The following SMCO4 variants were observed in gnomAD, a reference collection of about 807,000 sequenced individuals.
The protein encoded by SMCO4 is single-pass membrane and coiled-coil domain-containing protein 4.
Under a neutral mutation model 3.6 loss-of-function variants are expected in SMCO4, and 4 were observed. The ratio of observed to expected loss-of-function variants is 1.11; its 90% CI spans 0.54 to 2.53. The LOEUF (loss-of-function observed/expected upper bound fraction) is 2.53. Ranked by LOEUF, SMCO4 falls within the 30% of genes most tolerant of loss-of-function variation. The pLI is 0.02. For missense variants in SMCO4, 70 were observed against 80.8 expected, an observed-to-expected ratio of 0.87 and a Z score of 0.51; for synonymous variants, 36 against 35.3, an observed-to-expected ratio of 1.02 and a Z score of -0.07.
Position 93,513,573 on chromosome 11 carries a change from A to C in SMCO4, c.-153-14225T>G, listed in dbSNP as rs561311213. Reference sequence around the variant, plus strand: ...CAGATAGAGGTGATGAGGGAGACGGAGGTATCAAAGATGCTCTCAAGCCTC... The same window carrying C: ...CAGATAGAGGTGATGAGGGAGACGGCGGTATCAAAGATGCTCTCAAGCCTC... On this transcript the variant is annotated intron_variant, in intron 1 of 2. Coordinates refer to ENST00000298966, the MANE Select transcript of SMCO4 (RefSeq NM_020179.3). Among the ~76,000 whole-genome samples, 21 of 152,294 alleles carry C rather than the reference A, an allele frequency of 1.4e-4. No individual in the cohort carries two copies. The South Asian group carries it at 4.3e-3, about 32-fold the overall frequency.
chr11:93,487,584 C>CA (rs1198169790), intron 2 of SMCO4, among the ~76,000 whole-genome samples: 3 of 152,200 alleles, frequency 2.0e-5, no homozygotes, highest in Non-Finnish European at 4.4e-5. Context: ...AATCCAGAAA[C>CA]ACAAAAGAAT....
intron 2 of SMCO4, among the ~76,000 whole-genome samples, chr11:93,481,675 A>G (rs1194604329): frequency 2.6e-5 from 4 of 152,256 alleles, no homozygotes; most frequent in Non-Finnish European, 5.9e-5. Flanking sequence ...TAACAGAGCA[A>G]TGGACAGCAT....
intron 1 of SMCO4, among the ~76,000 whole-genome samples, chr11:93,529,242 A>T (rs1371653006): frequency 6.6e-6 from 1 of 152,200 alleles, no homozygotes; most frequent in Non-Finnish European, 1.5e-5. Context: ...CTGGAATTAC[A>T]CACTCACAAA....
intron 1 of SMCO4, among the ~76,000 whole-genome samples, chr11:93,516,745 G>A (rs945827605): frequency 2.6e-5 from 4 of 152,014 alleles, no homozygotes; most frequent in South Asian, 2.1e-4. Flanking sequence ...AGCCGAGATC[G>A]TGCCATTGCA....
intron 1 of SMCO4, 45 bp downstream of exon 1, chr11:93,543,231 C>T (rs534931101): frequency 1.1e-3 from 164 of 145,072 alleles, no homozygotes; most frequent in African/African-American, 3.8e-3. Flanking sequence ...CGCCCGCCGG[C>T]TCGCCCGCCC....
At chr11:93,498,413 G>C (rs1008864574) in intron 2 of SMCO4, among the ~76,000 whole-genome samples, 5 of 152,162 alleles carry the variant, frequency 3.3e-5, no homozygotes, top group African/African-American at 1.2e-4. Flanking sequence ...TGATCCACCT[G>C]TGCAGCAGAT....
rs878899435 is a variant in SMCO4 at position 93,478,713 on chromosome 11, G to GCGCACA, written c.*296_*297insTGTGCG. ...ATCGATTTTTAGGAGAGAAAAAGAA[G>GCGCACA]CACACACACACACACACACACACAC... On this transcript the variant is annotated 3_prime_UTR_variant, in exon 3 of 3. Coordinates refer to ENST00000298966, the MANE Select transcript of SMCO4 (RefSeq NM_020179.3). 17 of 225,998 alleles carry GCGCACA rather than the reference G, an allele frequency of 7.5e-5. No homozygotes were observed. The highest frequency in any genetic ancestry group is 1.6e-4 in the South Asian group (1 of 6,118). 14.0% of individuals were successfully genotyped at this position (225,998 alleles called of 1,614,324 possible). A position where few individuals can be genotyped will look rare whatever the true frequency, so the allele number is the denominator to read the frequency against.
At chr11:93,541,688 A>G (rs1161889100) in intron 1 of SMCO4, among the ~76,000 whole-genome samples, 1 of 152,236 alleles carries the variant, frequency 6.6e-6, no homozygotes, top group Non-Finnish European at 1.5e-5. Context: ...CACTAACTGC[A>G]AGCATAAGAA....
the SMCO4 span, among the ~76,000 whole-genome samples, chr11:93,548,550 T>G: frequency 0.57 from 86,861 of 151,950 alleles, 25,035 homozygotes; most frequent in Admixed American, 0.65. Flanking sequence ...CTCCAGTGGT[T>G]AAAACATGGG....
At chr11:93,545,354 G>A (rs1367260227), upstream of SMCO4, among the ~76,000 whole-genome samples, 8 of 151,914 alleles carry the variant, frequency 5.3e-5, no homozygotes, top group Admixed American at 2.6e-4. Context: ...TTGGGAGGCC[G>A]AGGTGGGTGG....
At chr11:93,488,764 G>A (rs764726820) in intron 2 of SMCO4, among the ~76,000 whole-genome samples, 6 of 152,176 alleles carry the variant, frequency 3.9e-5, no homozygotes, top group Non-Finnish European at 7.4e-5. Flanking sequence ...AGGACCCTGG[G>A]AGCTGTGGGC....
At chr11:93,506,995 C>T (rs1948910879) in intron 1 of SMCO4, among the ~76,000 whole-genome samples, 1 of 152,144 alleles carries the variant, frequency 6.6e-6, no homozygotes, top group Non-Finnish European at 1.5e-5. Context: ...ACTATGATTA[C>T]TCAGATTTGG....
rs116316940 is a variant in SMCO4, at chr11:93,485,295, A to G, written c.-80-6026T>C. Among the ~76,000 whole-genome samples the G allele has an allele frequency of 8.6e-3, 1,314 of 152,276 alleles. 22 individuals carry two copies. The highest frequency in any genetic ancestry group is 0.031 in the African/African-American group (1,268 of 41,550). On this transcript the variant is annotated intron_variant, in intron 2 of 2. Coordinates refer to ENST00000298966, the MANE Select transcript of SMCO4 (RefSeq NM_020179.3). ...AGAACTCCCTAAGCCTTCACAGCCC[A>G]GCCCCATTCATTCTTTCCAGCCTCA... is the stretch of plus-strand genomic sequence containing the variant.
At chr11:93,506,412 A>G (rs1181708825) in intron 1 of SMCO4, among the ~76,000 whole-genome samples, 1 of 151,400 alleles carries the variant, frequency 6.6e-6, no homozygotes, top group Non-Finnish European at 1.5e-5. Flanking sequence ...ATCAGTGGTC[A>G]TTATATTCTC....
intron 1 of SMCO4, among the ~76,000 whole-genome samples, chr11:93,505,896 A>C (rs538783708): frequency 2.7e-4 from 41 of 150,564 alleles, no homozygotes; most frequent in African/African-American, 9.3e-4. Flanking sequence ...GATGATGATG[A>C]AAATAGCTAA....
chr11:93,541,068 A>T (rs1222376322), intron 1 of SMCO4, among the ~76,000 whole-genome samples: 1 of 152,228 alleles, frequency 6.6e-6, no homozygotes, highest in Non-Finnish European at 1.5e-5. Flanking sequence ...CAAGAACAGG[A>T]ACATTCAGTT....
chr11:93,487,661 AT>A (rs979768212), intron 2 of SMCO4, among the ~76,000 whole-genome samples: 5 of 152,148 alleles, frequency 3.3e-5, no homozygotes, highest in Admixed American at 6.5e-5. Context: ...GATAAGTCAC[AT>A]TTTTTTGGCA....
chr11:93,496,507 A>C (rs1190430428), intron 2 of SMCO4, among the ~76,000 whole-genome samples: 1 of 152,150 alleles, frequency 6.6e-6, no homozygotes, highest in Non-Finnish European at 1.5e-5. Context: ...TGAGATACCA[A>C]GTTTGCTAAC....
At chr11:93,485,614 C>T (rs189992263) in intron 2 of SMCO4, among the ~76,000 whole-genome samples, 2 of 152,308 alleles carry the variant, frequency 1.3e-5, no homozygotes, top group Admixed American at 1.3e-4. Context: ...CTCCACTTCT[C>T]GGGGACTGCA....
Sources: allele counts gnomAD v4.1 joint callset (sites outside exome capture counted in the v4.1 genomes callset), GRCh38; gene constraint gnomAD v4.1.1; transcripts MANE v1.5; gene names NCBI Gene and HGNC (gene_info 2026-07-23, HGNC 2026-07-21).